PROM1: variants seen among roughly 807,000 people sequenced by gnomAD.
PROM1 encodes prominin 1.
A neutral mutation model predicts 116.9 loss-of-function variants in PROM1; 105 were observed. That is an observed-to-expected ratio of 0.90 (90% CI 0.77 to 1.06). The LOEUF (loss-of-function observed/expected upper bound fraction) is 1.06, where lower values mean the gene tolerates loss of function less well. Ranked by LOEUF, PROM1 falls within the 50% of genes least tolerant of loss-of-function variation. The pLI is 0.00. For missense variants in PROM1, 1,122 were observed against 1,045.2 expected (o/e 1.07, Z -1.01); for synonymous variants, 393 against 387.0 (o/e 1.02, Z -0.18).
At chr4:16,026,194 G>T (rs1329207447) in intron 5 of PROM1, among the ~76,000 whole-genome samples, 2 of 152,162 alleles carry the variant, frequency 1.3e-5, no homozygotes, top group Non-Finnish European at 2.9e-5. Flanking sequence ...CTTTTTTCAA[G>T]CCATCTAAAA....
chr4:16,015,864 T>A (rs761598181), intron 10 of PROM1, among the ~76,000 whole-genome samples: 2 of 152,088 alleles, frequency 1.3e-5, no homozygotes, highest in Non-Finnish European at 2.9e-5. Context: ...GCATTTTGTA[T>A]CAGAATCAGT....
chr4:16,013,079 C>T (rs143299982), intron 11 of PROM1, among the ~76,000 whole-genome samples, 196 bp downstream of exon 11: 399 of 152,222 alleles, frequency 2.6e-3, no homozygotes, highest in Admixed American at 3.6e-3. Context: ...TGATGTTTAT[C>T]AGTGTTCAAT....
At chr4:15,972,905 A>G (rs1204169348) in intron 26 of PROM1, among the ~76,000 whole-genome samples, 4 of 152,360 alleles carry the variant, frequency 2.6e-5, no homozygotes, top group African/African-American at 9.6e-5. Flanking sequence ...GAGCAGCCGG[A>G]CAACAGAGAG....
chr4:16,005,495 GGTGTGTGTGTGTGTGTGTGTGTGTGTGT>G (rs3221933), intron 13 of PROM1, among the ~76,000 whole-genome samples: 5 of 145,800 alleles, frequency 3.4e-5, no homozygotes, highest in Admixed American at 1.4e-4. Flanking sequence ...TTGTTTGTTT[GGTGTGTGTGTGTGTGTGTGTGTGTGTGT>G]GTGTGTGTGT....
At chr4:15,975,145 T>TTA (rs1444118250) in intron 26 of PROM1, among the ~76,000 whole-genome samples, 2 of 152,180 alleles carry the variant, frequency 1.3e-5, no homozygotes, top group Admixed American at 6.5e-5. Context: ...AAGTAAGGGT[T>TTA]TACAGTGGTC....
chr4:15,988,877 T>C (rs1054175404), intron 19 of PROM1, among the ~76,000 whole-genome samples: 1 of 152,098 alleles, frequency 6.6e-6, no homozygotes, highest in African/African-American at 2.4e-5. Context: ...TATTGGAAAT[T>C]AGTTCTGGGA....
chr4:16,033,850 A>T (rs1733358815), intron 4 of PROM1, among the ~76,000 whole-genome samples: 1 of 151,650 alleles, frequency 6.6e-6, no homozygotes, highest in Admixed American at 6.6e-5. Context: ...GCACCTGGCC[A>T]TGTTTCATTT....
At chr4:16,009,570 G>A (rs568735317) in intron 11 of PROM1, among the ~76,000 whole-genome samples, 11 of 152,230 alleles carry the variant, frequency 7.2e-5, no homozygotes, top group East Asian at 3.9e-4. Context: ...ATTGAAATTC[G>A]GGTGTATCTG....
chr4:16,001,407 G>C (rs987421499), intron 13 of PROM1, among the ~76,000 whole-genome samples: 2 of 152,146 alleles, frequency 1.3e-5, no homozygotes, highest in African/African-American at 4.8e-5. Context: ...CAGCAGCTTA[G>C]CCATGGTCAT....
rs934667000 is a variant in PROM1, at chr4:16,018,490, T to C, written c.835A>G (p.Ser279Gly). 2 of 1,612,818 alleles carry C rather than the reference T, an allele frequency of 1.2e-6. No homozygotes were observed. The highest frequency in any genetic ancestry group is 1.9e-4 in the Middle Eastern group (1 of 5,350). ...ALENMNSTLK[S>G]LHQQSTQLSS... ...AGCTGTGTACTTTGTTGGTGCAAGC[T>C]CTTCAAGGTGCTGTTCATGTTCTCC... Residue 279 changes from serine to glycine, a missense_variant, in exon 9 of 28, where the codon AGC becomes GGC. Physicochemically the swap from Ser to Gly is moderately conservative, Grantham distance 56. Coordinates refer to ENST00000447510, the MANE Select transcript of PROM1 (RefSeq NM_006017.3).
chr4:16,038,724 A>T (rs1734506434), intron 3 of PROM1, among the ~76,000 whole-genome samples: 1 of 152,208 alleles, frequency 6.6e-6, no homozygotes, highest in Non-Finnish European at 1.5e-5. Context: ...TTTAAGTAAC[A>T]TACAACTTGA....
chr4:16,032,501 T>C (rs1360324256), intron 5 of PROM1, among the ~76,000 whole-genome samples: 2 of 152,222 alleles, frequency 1.3e-5, no homozygotes, highest in African/African-American at 4.8e-5. Flanking sequence ...GAGAATGCTG[T>C]TGGCCAACCC....
chr4:16,069,835 A>G (rs1324590324), intron 2 of PROM1, among the ~76,000 whole-genome samples: 1 of 152,244 alleles, frequency 6.6e-6, no homozygotes, highest in Non-Finnish European at 1.5e-5. Context: ...ACTCTGGGTC[A>G]TATAACATTT....
At chr4:16,037,252 T>G (rs536555625) in intron 3 of PROM1, among the ~76,000 whole-genome samples, 10 of 152,270 alleles carry the variant, frequency 6.6e-5, no homozygotes, top group African/African-American at 2.4e-4. Flanking sequence ...GCAACTGTCA[T>G]TTTCTTCCCC....
At chr4:15,969,568 T>A (rs1204434605) in intron 27 of PROM1, among the ~76,000 whole-genome samples, 200 bp from the exon 28 acceptor site, 5 of 152,124 alleles carry the variant, frequency 3.3e-5, no homozygotes, top group Non-Finnish European at 7.4e-5. Context: ...CTTTGTGGTT[T>A]TTGTTTATTT....
intron 13 of PROM1, among the ~76,000 whole-genome samples, chr4:16,001,311 T>G (rs895721647): frequency 2.0e-5 from 3 of 152,118 alleles, no homozygotes; most frequent in Non-Finnish European, 4.4e-5. Context: ...TTGGTCTTGT[T>G]GCCAGAGACA....
intron 9 of PROM1, among the ~76,000 whole-genome samples, chr4:16,016,659 T>G (rs2677789): frequency 0.89 from 135,820 of 152,184 alleles, 60,945 homozygotes; most frequent in Middle Eastern, 0.94. Flanking sequence ...GATTTGAAGT[T>G]CTCTAGCTCC....
At chr4:15,973,663 G>C (rs1385188149) in intron 26 of PROM1, among the ~76,000 whole-genome samples, 2 of 152,090 alleles carry the variant, frequency 1.3e-5, no homozygotes, top group African/African-American at 4.8e-5. Flanking sequence ...CCTCTTATTT[G>C]TTCCCCTTTC....
chr4:16,025,719 GCACACA>G (rs139033375), intron 5 of PROM1, among the ~76,000 whole-genome samples: 40 of 150,258 alleles, frequency 2.7e-4, no homozygotes, highest in Admixed American at 5.3e-4. Flanking sequence ...ACACACACAC[GCACACA>G]CACACACACA....
Sources: gnomAD v4.1 joint callset for allele counts (sites outside exome capture counted in the v4.1 genomes callset) on GRCh38, gnomAD v4.1.1 for gene constraint, MANE v1.5 for transcripts, NCBI Gene and HGNC (gene_info 2026-07-23, HGNC 2026-07-21) for gene names.